Variants in UNC80 observed in about 807,000 individuals in gnomAD.
UNC80 encodes protein unc-80 homolog.
In UNC80, 164 loss-of-function variants were observed where a neutral mutation model predicts 384.6. That is an observed-to-expected ratio of 0.43 (90% CI 0.38 to 0.49). The LOEUF is 0.49. Ranked by LOEUF, UNC80 falls within the 20% of genes least tolerant of loss-of-function variation. UNC80 has a pLI of 0.00. For synonymous variants in UNC80, 1,486 were observed against 1,527.8 expected (o/e 0.97, Z 0.64); for missense variants, 3,330 against 4,143.0 (o/e 0.80, Z 5.39).
rs1049609914 is a variant in UNC80 at position 209,817,454 on chromosome 2, A to AT, written c.1552+337dup. Among the ~76,000 whole-genome samples the AT allele has an allele frequency of 1.1e-4, 17 of 151,594 alleles. 2 individuals carry two copies. The highest frequency in any genetic ancestry group is 1.1e-3 in the Admixed American group (16 of 15,222). On this transcript the variant is annotated intron_variant, in intron 10 of 64. Coordinates refer to ENST00000673920, the MANE Select transcript of UNC80 (RefSeq NM_001371986.1). ...CACAGCAGATTTTTATTAAACTTGG[A>AT]TTTTTTTTGAAAAAAGCAAAGCAAA...
rs1394894049 is a variant in UNC80 at position 209,962,819 on chromosome 2, A to G, written c.7805+3112A>G. Among the ~76,000 whole-genome samples, 4 of 152,326 alleles carry G rather than the reference A, an allele frequency of 2.6e-5. No homozygotes were observed. The East Asian group carries it at 5.8e-4, about 22-fold the overall frequency. On this transcript the variant is annotated intron_variant, in intron 51 of 64. Transcript: ENST00000673920. ...CAAAGGATGTAATTAAGGCTCTCCT[A>G]TAAGTTAAGTGCGCACTTGAATATG...
At chr2:209,972,394 C>A (rs1207530708) in intron 55 of UNC80, 70 bp downstream of exon 55, 1 of 1,526,604 alleles carries the variant, frequency 6.6e-7, no homozygotes, top group Non-Finnish European at 8.8e-7. Flanking sequence ...GCTGTTATTT[C>A]TTTTTCCTGT....
rs551830929 is a variant in UNC80 at position 209,914,794 on chromosome 2, C to A, written c.5029+854C>A. ...GCACTTTGAATTTTTTCATTTATAT[C>A]TAGAAGACTGTTTTTAAATATCAGT... On this transcript the variant is annotated intron_variant, in intron 31 of 64. Transcript: ENST00000673920. 7.2e-5 allele frequency among the ~76,000 whole-genome samples: 11 copies of A among 152,026 alleles called. No homozygotes were observed. The South Asian group carries it at 1.5e-3, about 20-fold the overall frequency.
rs1317935505 is a variant in UNC80, at chr2:209,954,178, G to A, written c.7365G>A (p.Glu2455=). The stretch of plus-strand genomic sequence containing the variant: ...TAAAGAGGCAGACATCACAGGTGGA[G>A]ACAGTACCTGCTGCCCGAGAGGAGA... ...QKLKRQTSQV[E]TVPAAREEIA... is the part of the protein sequence containing the mutation. Residue 2455 remains glutamate (E), a synonymous_variant, in exon 48 of 65, where the codon GAG becomes GAA. Transcript: ENST00000673920. 1.3e-6 allele frequency: 2 copies of A among 1,551,188 alleles called. No individual in the cohort carries two copies. Among genetic ancestry groups the A allele is most frequent in the South Asian group, 2.4e-5 (2 of 84,030 alleles).
intron 11 of UNC80, 149 bp from the exon 12 acceptor site, chr2:209,818,844 A>G (rs2079934035): frequency 1.1e-6 from 1 of 872,624 alleles, no homozygotes; most frequent in South Asian, 1.8e-5. Context: ...TAGTCCCATG[A>G]GAGCTGAGAC....
At position 209,937,427 on chromosome 2, in the gene UNC80, G is replaced by A. The variant is rs73078963; in HGVS notation, c.6364-102G>A. 8,167 of 848,688 alleles carry A rather than the reference G, an allele frequency of 9.6e-3. 501 individuals carry two copies. In the African/African-American group the frequency reaches 0.12, roughly 13 times the overall value. 52.6% of individuals were successfully genotyped at this position (848,688 alleles called of 1,614,324 possible). On this transcript the variant is annotated intron_variant, in intron 41 of 64. Transcript: ENST00000673920. ...CATTGCCTTTAGCTGCTTTTCTCCT[G>A]GCATAGCATCCTAGTGCTTAGATCT...
At chr2:209,968,437 A>G (rs1034010761) in intron 52 of UNC80, 3 of 152,186 alleles carry the variant, frequency 2.0e-5, no homozygotes, top group Non-Finnish European at 4.4e-5. Flanking sequence ...TTAATGTTCA[A>G]TTCATCAGAA....
chr2:209,798,060 G>C (rs534051716), intron 7 of UNC80, among the ~76,000 whole-genome samples: 26 of 152,168 alleles, frequency 1.7e-4, no homozygotes, highest in African/African-American at 6.0e-4. Context: ...CTGGATATTA[G>C]ACTTTTGTCA....
intron 22 of UNC80, among the ~76,000 whole-genome samples, chr2:209,865,609 A>G (rs2083686933): frequency 3.3e-5 from 5 of 151,748 alleles, no homozygotes; most frequent in Admixed American, 2.0e-4. Flanking sequence ...AGAGGGCTTC[A>G]ACCCCAATTG....
intron 26 of UNC80, among the ~76,000 whole-genome samples, chr2:209,892,103 A>G (rs1028871204): frequency 6.6e-6 from 1 of 152,168 alleles, no homozygotes. Context: ...TTTACCAGAA[A>G]TGTGATATAA....
At chr2:209,925,681 G>A (rs1372097880) in intron 35 of UNC80, among the ~76,000 whole-genome samples, 1 of 151,930 alleles carries the variant, frequency 6.6e-6, no homozygotes, top group East Asian at 1.9e-4. Context: ...TGACTGGTGC[G>A]ATTTTACAGA....
At chr2:209,866,491 C>CACACACAA (rs2083796109) in intron 22 of UNC80, among the ~76,000 whole-genome samples, 1 of 64,410 alleles carries the variant, frequency 1.6e-5, no homozygotes, top group African/African-American at 4.5e-5. Context: ...AATGCACCCC[C>CACACACAA]ACACACACAC....
chr2:209,906,441 A>G (rs2088221152), intron 29 of UNC80, among the ~76,000 whole-genome samples: 1 of 152,176 alleles, frequency 6.6e-6, no homozygotes, highest in Non-Finnish European at 1.5e-5. Flanking sequence ...TTTCATTGAC[A>G]AGTGCCTTTT....
At chr2:209,917,715 C>T in intron 31 of UNC80, 62 bp from the exon 32 acceptor site, 5 of 1,526,854 alleles carry the variant, frequency 3.3e-6, no homozygotes, top group Non-Finnish European at 4.4e-6. Context: ...CCACTTCTCC[C>T]CAACCCCAGG....
At chr2:209,904,987 G>T (rs2088004346) in intron 29 of UNC80, 22 bp downstream of exon 29, 1 of 1,549,524 alleles carries the variant, frequency 6.5e-7, no homozygotes, top group Non-Finnish European at 8.7e-7. Context: ...ACCATTGAAT[G>T]ATATTCTAAT....
At chr2:209,796,107 C>T (rs1332367753) in intron 7 of UNC80, 1 of 152,180 alleles carries the variant, frequency 6.6e-6, no homozygotes, top group Non-Finnish European at 1.5e-5. Flanking sequence ...CAGGGTGGAG[C>T]TGCCCAAGAC....
intron 38 of UNC80, among the ~76,000 whole-genome samples, chr2:209,932,838 G>A (rs939178353): frequency 1.3e-5 from 2 of 152,124 alleles, no homozygotes; most frequent in African/African-American, 4.8e-5. Flanking sequence ...TTTTCTGATT[G>A]ATCAATGCAC....
At chr2:209,884,178 G>A (rs1204985991) in intron 25 of UNC80, among the ~76,000 whole-genome samples, 1 of 152,098 alleles carries the variant, frequency 6.6e-6, no homozygotes, top group Admixed American at 6.5e-5. Context: ...GAACAACAAA[G>A]GAATATTTTT....
chr2:209,810,756 ATAAT>A (rs2153827043), intron 7 of UNC80, among the ~76,000 whole-genome samples: 1 of 152,350 alleles, frequency 6.6e-6, no homozygotes, highest in African/African-American at 2.4e-5. Flanking sequence ...TGGGGAGGAA[ATAAT>A]TTGGTCGAAC....
Sources: gnomAD v4.1 joint callset for allele counts (sites outside exome capture counted in the v4.1 genomes callset) on GRCh38, gnomAD v4.1.1 for gene constraint, MANE v1.5 for transcripts, NCBI Gene and HGNC (gene_info 2026-07-23, HGNC 2026-07-21) for gene names.